CCDC69: variants seen among roughly 807,000 people sequenced by gnomAD.
The protein encoded by CCDC69 is coiled-coil domain containing 69, also known as coiled-coil domain-containing protein 69.
Under a neutral mutation model 40.3 loss-of-function variants are expected in CCDC69, and 38 were observed. That is an observed-to-expected ratio of 0.94 (90% confidence interval 0.73 to 1.24). The LOEUF (loss-of-function observed/expected upper bound fraction) is 1.24, where lower values mean the gene tolerates loss of function less well. Among genes scored for constraint, CCDC69 ranks in the 50% most tolerant of loss-of-function variants. The probability of loss-of-function intolerance (pLI) is 0.00; values close to 1 mark genes in which losing one functional copy is unlikely to be tolerated. For synonymous variants in CCDC69, 141 were observed against 138.9 expected, an observed-to-expected ratio of 1.02 and a Z score of -0.11; for missense variants, 389 against 357.9, an observed-to-expected ratio of 1.09 and a Z score of -0.70.
intron 4 of CCDC69, among the ~76,000 whole-genome samples, chr5:151,192,173 A>G (rs1388751166): frequency 1.3e-5 from 2 of 148,496 alleles, no homozygotes; most frequent in Admixed American, 1.3e-4. Context: ...AAGGAAGGAA[A>G]TGAAAATAAC....
chr5:151,199,147 C>G (rs1752744412), intron 3 of CCDC69, 63 bp from the exon 4 acceptor site: 1 of 1,357,864 alleles, frequency 7.4e-7, no homozygotes, highest in Non-Finnish European at 1.0e-6. Context: ...ATCTCTTATC[C>G]CCTCACCTGG....
rs559907198 is a variant in CCDC69 at position 151,199,219 on chromosome 5, C to A, written c.232-135G>T. 8 of 727,594 alleles carry A rather than the reference C, an allele frequency of 1.1e-5. No homozygotes were observed. The African/African-American group carries it at 1.4e-4, about 13-fold the overall frequency. The allele number at this position is 727,594 out of a possible 1,614,324, so 45.1% of individuals were successfully genotyped here. On this transcript the variant is annotated intron_variant, in intron 3 of 8. Transcript: ENST00000355417. Reference sequence around the variant, plus strand: ...TCCTCTGAGGGATGGGAATGACACGCCCAGAAAGGACACAAGACTTCCAAG... The same window carrying A: ...TCCTCTGAGGGATGGGAATGACACGACCAGAAAGGACACAAGACTTCCAAG...
At position 151,201,635 on chromosome 5, in the gene CCDC69, T is replaced by C; in HGVS notation, c.178A>G (p.Ile60Val). Reference sequence around the variant, plus strand: ...TCATGTTGCTGGAGAATTCTGGTTATATCCTTCTGGTGCCGCTCAGCCTCC... The same window carrying C: ...TCATGTTGCTGGAGAATTCTGGTTACATCCTTCTGGTGCCGCTCAGCCTCC... ...SEEAERHQKD[I>V]TRILQQHEEE... Residue 60 changes from isoleucine to valine, a missense_variant, in exon 3 of 9, where the codon ATA becomes GTA. Physicochemically the swap from Ile to Val is conservative, Grantham distance 29. Transcript: ENST00000355417. 1.9e-6 allele frequency: 3 copies of C among 1,613,762 alleles called. No individual in the cohort carries two copies. Among genetic ancestry groups the C allele is most frequent in the Non-Finnish European group, 2.5e-6 (3 of 1,179,832 alleles).
intron 3 of CCDC69, among the ~76,000 whole-genome samples, chr5:151,200,436 A>G (rs752543665): frequency 5.9e-5 from 9 of 152,220 alleles, no homozygotes; most frequent in African/African-American, 1.9e-4. Context: ...GCCCAGATCT[A>G]TCTTAAAGCA....
At chr5:151,222,141 T>C (rs763944801) in intron 1 of CCDC69, among the ~76,000 whole-genome samples, 11 of 152,246 alleles carry the variant, frequency 7.2e-5, no homozygotes, top group Non-Finnish European at 1.6e-4. Context: ...ATACCTGGGT[T>C]CTGCTCTGTG....
rs73278225 is a variant in CCDC69 at position 151,196,846 on chromosome 5, G to A, written c.319+2151C>T. 1.5e-3 allele frequency among the ~76,000 whole-genome samples: 224 copies of A among 152,300 alleles called. 2 individuals carry two copies. Among genetic ancestry groups the A allele is most frequent in the African/African-American group, 4.7e-3 (197 of 41,580 alleles). ...TCAAAAAGTTAAGCACAGAATGATCGTATGACCCAGCAATTCTCCTGGGTG... is the reference window on the plus strand; with the variant it reads ...TCAAAAAGTTAAGCACAGAATGATCATATGACCCAGCAATTCTCCTGGGTG... On this transcript the variant is annotated intron_variant, in intron 4 of 8. Coordinates refer to ENST00000355417, the MANE Select transcript of CCDC69 (RefSeq NM_015621.3).
chr5:151,204,677 T>G (rs1222220465), intron 2 of CCDC69, among the ~76,000 whole-genome samples: 7 of 152,172 alleles, frequency 4.6e-5, no homozygotes. Flanking sequence ...ATTTTTTTTC[T>G]GGATGTAGTA....
At chr5:151,218,616 T>C (rs904794523) in intron 1 of CCDC69, among the ~76,000 whole-genome samples, 58 of 152,380 alleles carry the variant, frequency 3.8e-4, no homozygotes, top group African/African-American at 1.3e-3. Context: ...CTATGCACCC[T>C]GAGATGTCAG....
chr5:151,222,689 C>T (rs1753151828), intron 1 of CCDC69, among the ~76,000 whole-genome samples: 1 of 152,230 alleles, frequency 6.6e-6, no homozygotes, highest in Admixed American at 6.5e-5. Flanking sequence ...GTCTCTCCGC[C>T]TTGTCATCCC....
rs550165916 is a variant in CCDC69, at chr5:151,205,622, C to A, written c.49-147G>T. Reference sequence around the variant, plus strand: ...CCCACGCCTGCGCATTGGGCTGCCTCGCAGCCCCAGGCAGCAGACCCTCTA... The same window carrying A: ...CCCACGCCTGCGCATTGGGCTGCCTAGCAGCCCCAGGCAGCAGACCCTCTA... On this transcript the variant is annotated intron_variant, in intron 1 of 8. Coordinates refer to ENST00000355417, the MANE Select transcript of CCDC69 (RefSeq NM_015621.3). 103 of 676,902 alleles carry A rather than the reference C, an allele frequency of 1.5e-4. 1 individual carries two copies. The African/African-American group carries it at 1.7e-3, about 11-fold the overall frequency. The allele number at this position is 676,902 out of a possible 1,614,324, so 41.9% of individuals were successfully genotyped here.
intron 2 of CCDC69, 99 bp downstream of exon 2, chr5:151,205,301 G>A (rs1752837569): frequency 8.3e-6 from 8 of 961,648 alleles, no homozygotes; most frequent in Non-Finnish European, 1.3e-5. Flanking sequence ...ACCTATCTGA[G>A]ATCTCATGAG....
intron 4 of CCDC69, among the ~76,000 whole-genome samples, chr5:151,194,666 G>A (rs750170835): frequency 1.9e-4 from 29 of 152,120 alleles, no homozygotes; most frequent in Non-Finnish European, 2.9e-4. Context: ...AGGCCAAGGC[G>A]GGTGGATCAC....
intron 3 of CCDC69, 98 bp downstream of exon 3, chr5:151,201,484 T>C (rs977623435): frequency 6.7e-6 from 5 of 748,548 alleles, no homozygotes; most frequent in African/African-American, 1.8e-5. Flanking sequence ...AAGGGACTCT[T>C]ACAACAGCAA....
In CCDC69 at chr5:151,181,970, CAG is replaced by C; in HGVS notation, c.*1465_*1466del. 1 of 152,208 alleles carries C rather than the reference CAG, an allele frequency of 6.6e-6. No homozygotes were observed. The allele number at this position is 152,208 out of a possible 1,614,324, so 9.4% of individuals were successfully genotyped here. A position where few individuals can be genotyped will look rare whatever the true frequency, so the allele number is the denominator to read the frequency against. On this transcript the variant is annotated 3_prime_UTR_variant, in exon 9 of 9. Transcript: ENST00000355417. ...ACCTCTGAACTTCTAAACCTAGAAA[CAG>C]AAGGAGACTGTACACAGGGGAATAC... is the stretch of plus-strand genomic sequence containing the variant.
At chr5:151,212,456 C>T (rs1205374298) in intron 1 of CCDC69, among the ~76,000 whole-genome samples, 1 of 152,180 alleles carries the variant, frequency 6.6e-6, no homozygotes, top group Non-Finnish European at 1.5e-5. Context: ...GCAGTAGGTT[C>T]AACCTGAAGC....
intron 6 of CCDC69, 102 bp from the exon 7 acceptor site, chr5:151,185,643 C>T (rs1000624078): frequency 8.3e-7 from 1 of 1,203,940 alleles, no homozygotes. Flanking sequence ...ACCCACCTTC[C>T]TCTCTCAGCC....
intron 2 of CCDC69, 74 bp downstream of exon 2, chr5:151,205,326 G>T: frequency 8.8e-7 from 1 of 1,136,526 alleles, no homozygotes; most frequent in Non-Finnish European, 1.3e-6. Flanking sequence ...TTCAGCAGCT[G>T]TATCATCTGT....
At chr5:151,193,117 A>G (rs1018303334) in intron 4 of CCDC69, among the ~76,000 whole-genome samples, 6 of 152,138 alleles carry the variant, frequency 3.9e-5, no homozygotes, top group African/African-American at 1.4e-4. Flanking sequence ...GCATTTGCAG[A>G]TTTTGGTATC....
chr5:151,215,611 C>T (rs138584181), intron 1 of CCDC69: 1 of 415,628 alleles, frequency 2.4e-6, no homozygotes, highest in Non-Finnish European at 5.0e-6. Flanking sequence ...TGGGTGAGAA[C>T]CTGGAGCCCT....
Sources: allele counts gnomAD v4.1 joint callset (sites outside exome capture counted in the v4.1 genomes callset), GRCh38; gene constraint gnomAD v4.1.1; transcripts MANE v1.5; gene names NCBI Gene and HGNC (gene_info 2026-07-23, HGNC 2026-07-21).